The following PYM1 variants were observed in gnomAD, a reference collection of about 807,000 sequenced individuals.
PYM1 encodes PYM1 exon junction complex associated factor, also known as partner of Y14 and mago.
In PYM1, 7 loss-of-function variants were observed where a neutral mutation model predicts 20.7. That is an observed-to-expected ratio of 0.34 (90% CI 0.19 to 0.64). The LOEUF is 0.64. PYM1 is among the 30% of genes least tolerant of loss of function. The pLI, the probability that PYM1 is intolerant of heterozygous loss-of-function variation, is 0.74. For synonymous variants in PYM1, 100 were observed against 99.2 expected (o/e 1.01, Z -0.05); for missense variants, 194 against 250.0 (o/e 0.78, Z 1.51).
intron 1 of PYM1, among the ~76,000 whole-genome samples, chr12:55,921,305 C>A (rs1011962582): frequency 1.3e-5 from 2 of 152,054 alleles, no homozygotes; most frequent in Non-Finnish European, 2.9e-5. Context: ...AATTTTAATA[C>A]GCATAATAAT....
At chr12:55,914,707 G>A (rs1229915960) in intron 1 of PYM1, among the ~76,000 whole-genome samples, 5 of 152,140 alleles carry the variant, frequency 3.3e-5, no homozygotes, top group African/African-American at 4.8e-5. Flanking sequence ...CTCAGCCTGC[G>A]GATGATCTCA....
At chr12:55,908,543 A>G (rs1882865538) in intron 1 of PYM1, among the ~76,000 whole-genome samples, 1 of 152,088 alleles carries the variant, frequency 6.6e-6, no homozygotes, top group South Asian at 2.1e-4. Flanking sequence ...CAAAATGCAA[A>G]TATCATTAAT....
intron 1 of PYM1, among the ~76,000 whole-genome samples, chr12:55,908,868 T>C (rs953130872): frequency 6.6e-6 from 1 of 151,150 alleles, no homozygotes; most frequent in African/African-American, 2.4e-5. Context: ...AAAAATAAAA[T>C]AAAACAAAAA....
chr12:55,921,442 T>C (rs1883096242), intron 1 of PYM1, among the ~76,000 whole-genome samples: 1 of 151,962 alleles, frequency 6.6e-6, no homozygotes. Flanking sequence ...AAGAATGATA[T>C]TTTGATAACT....
At chr12:55,923,804 G>A (rs117332209) in intron 1 of PYM1, among the ~76,000 whole-genome samples, 4,041 of 151,870 alleles carry the variant, frequency 0.027, 88 homozygotes, top group Non-Finnish European at 0.04. Context: ...ATGGCTAGGC[G>A]TGGTGACTCA....
rs1266182301 is a variant in PYM1 at position 55,910,274 on chromosome 12, TATATATATATATAA to T, written c.38-6808_38-6795del. On this transcript the variant is annotated intron_variant, in intron 1 of 2. Transcript: ENST00000408946. ...ATACATATATATATATATATATATA[TATATATATATATAA>T]AATTTTTTTTGAGACGGAATCTCAC... Among the ~76,000 whole-genome samples the T allele has an allele frequency of 3.0e-4, 11 of 36,270 alleles. No individual in the cohort carries two copies. In the South Asian group the frequency reaches 3.4e-3, roughly 11 times the overall value. 23.8% of individuals were successfully genotyped at this position (36,270 alleles called of 152,430 possible).
At chr12:55,905,997 A>AT (rs1882809959) in intron 1 of PYM1, among the ~76,000 whole-genome samples, 1 of 93,284 alleles carries the variant, frequency 1.1e-5, no homozygotes, top group South Asian at 3.1e-4. Context: ...AATATAAAAT[A>AT]AATAAGTTTT....
chr12:55,922,291 A>C (rs1172114493), intron 1 of PYM1, among the ~76,000 whole-genome samples: 1 of 151,938 alleles, frequency 6.6e-6, no homozygotes, highest in Non-Finnish European at 1.5e-5. Flanking sequence ...CCTTACAAAC[A>C]ATATCTCTGC....
Position 55,901,657 on chromosome 12 carries a change from G to T in PYM1, c.*215C>A. 1 of 605,616 alleles carries T rather than the reference G, an allele frequency of 1.7e-6. No individual in the cohort carries two copies. Among genetic ancestry groups the T allele is most frequent in the Non-Finnish European group, 2.7e-6 (1 of 367,622 alleles). 37.5% of individuals were successfully genotyped at this position (605,616 alleles called of 1,614,324 possible). On this transcript the variant is annotated 3_prime_UTR_variant, in exon 3 of 3. Transcript: ENST00000408946. ...GGTAGTCACTGAGATTTTGAACACT[G>T]GGAATGGGAGGGGGAAAGTCCAAAA... is the stretch of plus-strand genomic sequence containing the variant.
At chr12:55,917,106 AT>A (rs1883021104) in intron 1 of PYM1, among the ~76,000 whole-genome samples, 1 of 150,750 alleles carries the variant, frequency 6.6e-6, no homozygotes, top group Non-Finnish European at 1.5e-5. Flanking sequence ...TGTCTCAAAA[AT>A]AAAAAAAAAT....
intron 1 of PYM1, among the ~76,000 whole-genome samples, chr12:55,924,636 G>C (rs1480953645): frequency 6.6e-6 from 1 of 152,142 alleles, no homozygotes; most frequent in African/African-American, 2.4e-5. Flanking sequence ...AAAGGTTGGG[G>C]AAACAGCTAT....
At chr12:55,909,948 C>T (rs1382180864) in intron 1 of PYM1, among the ~76,000 whole-genome samples, 1 of 151,968 alleles carries the variant, frequency 6.6e-6, no homozygotes, top group Non-Finnish European at 1.5e-5. Context: ...GGCTGTAATC[C>T]CAGCACTTTG....
At chr12:55,913,188 T>C (rs1398156418) in intron 1 of PYM1, among the ~76,000 whole-genome samples, 1 of 152,210 alleles carries the variant, frequency 6.6e-6, no homozygotes, top group African/African-American at 2.4e-5. Context: ...TTGCTTTCTG[T>C]GCACTCGCAG....
chr12:55,916,835 G>A (rs1565717378), intron 1 of PYM1, among the ~76,000 whole-genome samples: 1 of 152,080 alleles, frequency 6.6e-6, no homozygotes, highest in Non-Finnish European at 1.5e-5. Context: ...CTGAGGTTGG[G>A]CGTGGTGGTT....
chr12:55,915,667 AGGAG>A (rs1279217243), intron 1 of PYM1, among the ~76,000 whole-genome samples: 1 of 152,186 alleles, frequency 6.6e-6, no homozygotes, highest in East Asian at 1.9e-4. Context: ...AGACTAAGTA[AGGAG>A]GAAGTGGGCA....
Position 55,901,984 on chromosome 12 carries a change from T to C in PYM1, c.503A>G (p.Gln168Arg). 3 of 1,614,086 alleles carry C rather than the reference T, an allele frequency of 1.9e-6. No individual in the cohort carries two copies. The highest frequency in any genetic ancestry group is 1.6e-4 in the Middle Eastern group (1 of 6,084). The change falls in exon 3 of 3, where the codon CAG (glutamine) becomes CGG (arginine). Residue 168 changes from glutamine to arginine, a missense_variant. By Grantham distance (43) the Gln-to-Arg change is conservative (BLOSUM62 1). Transcript: ENST00000408946. ...GACTTCCCCAGCCTGGATCCGCTGC[T>C]GCAGCTCTTCCACCTGCCGGAGTTT... ...KKKLRQVEEL[Q>R]QRIQAGEVSQ...
intron 1 of PYM1, among the ~76,000 whole-genome samples, chr12:55,905,947 T>TTATTATATATATCTATTAGATATATA (rs1565714542): frequency 7.9e-6 from 1 of 126,202 alleles, no homozygotes; most frequent in Non-Finnish European, 1.6e-5. Flanking sequence ...GATATATATA[T>TTATTATATATATCTATTAGATATATA]TATTATATAT....
chr12:55,921,641 G>T (rs1303299167), intron 1 of PYM1, among the ~76,000 whole-genome samples: 1 of 152,128 alleles, frequency 6.6e-6, no homozygotes, highest in Admixed American at 6.6e-5. Context: ...CAGACCGCAG[G>T]ACTGGAGCAG....
chr12:55,909,263 T>A (rs563961788), intron 1 of PYM1, among the ~76,000 whole-genome samples: 4 of 151,918 alleles, frequency 2.6e-5, no homozygotes, highest in Non-Finnish European at 5.9e-5. Flanking sequence ...AGAGTCAAAC[T>A]AAACAAAAAG....
Sources: allele counts gnomAD v4.1 joint callset (sites outside exome capture counted in the v4.1 genomes callset), GRCh38; gene constraint gnomAD v4.1.1; transcripts MANE v1.5; gene names NCBI Gene and HGNC (gene_info 2026-07-23, HGNC 2026-07-21).